TMEM41B: variants seen among roughly 807,000 people sequenced by gnomAD.
TMEM41B encodes the protein protein stasimon.
In TMEM41B, 18 loss-of-function variants were observed where a neutral mutation model predicts 31.9. That is an observed-to-expected ratio of 0.56 (90% CI 0.39 to 0.84). TMEM41B has a LOEUF of 0.84. TMEM41B is among the 40% of genes least tolerant of loss of function. The pLI, the probability that TMEM41B is intolerant of heterozygous loss-of-function variation, is 0.00. For synonymous variants in TMEM41B, 144 were observed against 124.3 expected, an observed-to-expected ratio of 1.16 and a Z score of -1.05; for missense variants, 322 against 348.0, an observed-to-expected ratio of 0.93 and a Z score of 0.59.
At chr11:9,310,925 A>G (rs1853545631) in intron 1 of TMEM41B, among the ~76,000 whole-genome samples, 1 of 152,222 alleles carries the variant, frequency 6.6e-6, no homozygotes, top group Non-Finnish European at 1.5e-5. Flanking sequence ...GTTTTTCATC[A>G]TAATTAAATT....
chr11:9,284,204 G>A (rs957357532), intron 6 of TMEM41B, among the ~76,000 whole-genome samples: 1 of 151,622 alleles, frequency 6.6e-6, no homozygotes, highest in African/African-American at 2.4e-5. Context: ...GAGTGCAGTG[G>A]TGCAATCATC....
rs893680819 is a variant in TMEM41B at position 9,288,466 on chromosome 11, T to G, written c.438A>C (p.Pro146=). The G allele has an allele frequency of 6.3e-7, 1 of 1,589,836 alleles. No homozygotes were observed. The highest frequency in any genetic ancestry group is 1.4e-5 in the African/African-American group (1 of 73,324). ...CCAAACAAACAAGAAATAAGGCTAG[T>G]GGAAAGGGATAAAGAAACCCTGAGA... is the stretch of plus-strand genomic sequence containing the variant. ...SILSGFLYPF[P]LALFLVCLCS... is the part of the protein sequence containing the mutation. Residue 146 remains proline (P), a synonymous_variant, in exon 4 of 7, where the codon CCA becomes CCC. Coordinates refer to ENST00000528080, the MANE Select transcript of TMEM41B (RefSeq NM_015012.4).
In TMEM41B at chr11:9,281,118, G is replaced by A. The variant is rs934490957; in HGVS notation, c.*2306C>T. 1 of 152,102 alleles carries A rather than the reference G, an allele frequency of 6.6e-6. No individual in the cohort carries two copies. Among genetic ancestry groups the A allele is most frequent in the African/African-American group, 2.4e-5 (1 of 41,428 alleles). The allele number at this position is 152,102 out of a possible 1,614,324, so 9.4% of individuals were successfully genotyped here. ...ACAGTAAATATACTCTGAGAATAGAGTAAGTACAATTTACACACGCTGGAG... is the reference window on the plus strand; with the variant it reads ...ACAGTAAATATACTCTGAGAATAGAATAAGTACAATTTACACACGCTGGAG... On this transcript the variant is annotated 3_prime_UTR_variant, in exon 7 of 7. Coordinates refer to ENST00000528080, the MANE Select transcript of TMEM41B (RefSeq NM_015012.4).
Position 9,283,459 on chromosome 11 carries a change from T to C in TMEM41B, c.841A>G (p.Ile281Val), listed in dbSNP as rs1160019897. Reference protein sequence around the residue: ...ILAVLSILPAIFQKKLKQKFE With the variant: ...ILAVLSILPAVFQKKLKQKFE ...TTCTGCTTTAGTTTTTTTTGGAAGATGGCTGGCAGAATAGAAAGAACAGCC... is the reference window on the plus strand; with the variant it reads ...TTCTGCTTTAGTTTTTTTTGGAAGACGGCTGGCAGAATAGAAAGAACAGCC... Residue 281 changes from isoleucine (I) to valine (V), a missense_variant, in exon 7 of 7, where the codon ATC (isoleucine) becomes GTC (valine). Transcript: ENST00000528080. 7 of 1,603,058 alleles carry C rather than the reference T, an allele frequency of 4.4e-6. No homozygotes were observed. Among genetic ancestry groups the C allele is most frequent in the Middle Eastern group, 1.7e-4 (1 of 6,044 alleles).
At chr11:9,313,729 G>T (rs1853618288) in intron 1 of TMEM41B, among the ~76,000 whole-genome samples, 1 of 152,130 alleles carries the variant, frequency 6.6e-6, no homozygotes, top group South Asian at 2.1e-4. Context: ...TCTTTTACGT[G>T]AATTATTTCG....
At chr11:9,285,746 ATTCAAG>A (rs1428723887) in intron 6 of TMEM41B, among the ~76,000 whole-genome samples, 4 of 151,702 alleles carry the variant, frequency 2.6e-5, no homozygotes, top group African/African-American at 9.7e-5. Flanking sequence ...TCTACTGAAA[ATTCAAG>A]TTCAACATTT....
At chr11:9,290,909 A>C (rs993024338) in intron 3 of TMEM41B, among the ~76,000 whole-genome samples, 3 of 152,118 alleles carry the variant, frequency 2.0e-5, no homozygotes, top group South Asian at 2.1e-4. Context: ...TGAGACTAGG[A>C]GTTGAAGAAC....
chr11:9,294,211 A>G (rs1853025628), intron 3 of TMEM41B, among the ~76,000 whole-genome samples: 1 of 115,862 alleles, frequency 8.6e-6, no homozygotes, highest in Admixed American at 9.2e-5. Context: ...AAAAAAAAAA[A>G]AAGCCGGGCA....
chr11:9,311,767 T>C (rs748010263), intron 1 of TMEM41B: 6 of 608,976 alleles, frequency 9.9e-6, no homozygotes, highest in Non-Finnish European at 9.0e-6. Context: ...TAGTTTCACC[T>C]CCTGTCTGCT....
At position 9,282,413 on chromosome 11, in the gene TMEM41B, T is replaced by C. The variant is rs1056489280; in HGVS notation, c.*1011A>G. 2 of 151,800 alleles carry C rather than the reference T, an allele frequency of 1.3e-5. No individual in the cohort carries two copies. Among genetic ancestry groups the C allele is most frequent in the African/African-American group, 4.8e-5 (2 of 41,328 alleles). The allele number at this position is 151,800 out of a possible 1,614,324, so 9.4% of individuals were successfully genotyped here. A position where few individuals can be genotyped will look rare whatever the true frequency, so the allele number is the denominator to read the frequency against. On this transcript the variant is annotated 3_prime_UTR_variant, in exon 7 of 7. Transcript: ENST00000528080. ...AAAAAATTATCAATACCAAATATGA[T>C]ACAGTTATGTAATACCCATTTTGCA...
At position 9,288,431 on chromosome 11, in the gene TMEM41B, T is replaced by G. The variant is rs1395299499; in HGVS notation, c.462+11A>C. 1 of 1,555,036 alleles carries G rather than the reference T, an allele frequency of 6.4e-7. No homozygotes were observed. The highest frequency in any genetic ancestry group is 2.1e-5 in the Admixed American group (1 of 48,406). ...TTTTTCAGTCTCCCAATTTTATTTT[T>G]TCATACTTACCAAACAAACAAGAAA... On this transcript the variant is annotated intron_variant, in intron 4 of 6. Coordinates refer to ENST00000528080, the MANE Select transcript of TMEM41B (RefSeq NM_015012.4).
At chr11:9,313,352 T>A (rs896287752) in intron 1 of TMEM41B, among the ~76,000 whole-genome samples, 1 of 152,232 alleles carries the variant, frequency 6.6e-6, no homozygotes, top group African/African-American at 2.4e-5. Context: ...TACTACATAC[T>A]CTTAGAAGTT....
intron 1 of TMEM41B, among the ~76,000 whole-genome samples, chr11:9,306,421 G>A (rs575213903): frequency 5.3e-5 from 8 of 152,160 alleles, no homozygotes; most frequent in African/African-American, 1.4e-4. Flanking sequence ...GGCGGCTCAC[G>A]CCTGTAATCC....
intron 6 of TMEM41B, among the ~76,000 whole-genome samples, chr11:9,285,529 G>C (rs528328115): frequency 6.6e-6 from 1 of 151,946 alleles, no homozygotes. Context: ...AATTCAACTC[G>C]AACTGGAAAG....
Position 9,283,508 on chromosome 11 carries a change from G to A in TMEM41B, c.792C>T (p.Asn264=). 1 of 1,613,536 alleles carries A rather than the reference G, an allele frequency of 6.2e-7. No homozygotes were observed. Among genetic ancestry groups the A allele is most frequent in the Non-Finnish European group, 8.5e-7 (1 of 1,179,782 alleles). Residue 264 remains asparagine, a synonymous_variant, in exon 7 of 7, where the codon AAC becomes AAT. Coordinates refer to ENST00000528080, the MANE Select transcript of TMEM41B (RefSeq NM_015012.4). ...CCAAGATCATCAGAATAAATATTGAGTTCCAGGAAACAGCTTCTCCTGCTG... is the reference window on the plus strand; with the variant it reads ...CCAAGATCATCAGAATAAATATTGAATTCCAGGAAACAGCTTCTCCTGCTG... The part of the protein sequence containing the change: ...LTTAGEAVSW[N]SIFILMILAV...
chr11:9,286,425 C>A, intron 6 of TMEM41B, 30 bp downstream of exon 6: 1 of 1,595,110 alleles, frequency 6.3e-7, no homozygotes, highest in South Asian at 1.1e-5. Flanking sequence ...ACACAGTGAG[C>A]TCATACACAG....
At chr11:9,297,354 G>C (rs1853122101) in intron 2 of TMEM41B, among the ~76,000 whole-genome samples, 2 of 152,110 alleles carry the variant, frequency 1.3e-5, no homozygotes, top group African/African-American at 4.8e-5. Flanking sequence ...CAAAGTACTG[G>C]GGTTACAGGC....
chr11:9,309,649 G>A (rs1000370490), intron 1 of TMEM41B, among the ~76,000 whole-genome samples: 3 of 151,736 alleles, frequency 2.0e-5, no homozygotes, highest in East Asian at 2.0e-4. Flanking sequence ...TCAGCCAGGC[G>A]CAGTGGCTTA....
chr11:9,304,891 C>T (rs911143996), intron 1 of TMEM41B, among the ~76,000 whole-genome samples: 1 of 152,106 alleles, frequency 6.6e-6, no homozygotes, highest in African/African-American at 2.4e-5. Flanking sequence ...CTCTTAACCT[C>T]GTGATCTGCC....
Sources: allele counts gnomAD v4.1 joint callset (sites outside exome capture counted in the v4.1 genomes callset), GRCh38; gene constraint gnomAD v4.1.1; transcripts MANE v1.5; gene names NCBI Gene and HGNC (gene_info 2026-07-23, HGNC 2026-07-21).